LSAMP: variants seen among roughly 807,000 people sequenced by gnomAD.
The protein encoded by LSAMP is limbic system-associated membrane protein.
In LSAMP, 7 loss-of-function variants were observed where a neutral mutation model predicts 38.6. The ratio of observed to expected loss-of-function variants is 0.18; its 90% CI spans 0.10 to 0.34. The LOEUF is 0.34. Among genes scored for constraint, LSAMP ranks in the 10% least tolerant of loss-of-function variants. The probability of loss-of-function intolerance (pLI) is 1.00; values close to 1 mark genes in which losing one functional copy is unlikely to be tolerated. For synonymous variants in LSAMP, 154 were observed against 166.8 expected (o/e 0.92, Z 0.59); for missense variants, 313 against 420.0 (o/e 0.75, Z 2.23).
At chr3:116,114,025 T>G (rs971530540) in intron 1 of LSAMP, among the ~76,000 whole-genome samples, 3 of 152,172 alleles carry the variant, frequency 2.0e-5, no homozygotes, top group African/African-American at 7.2e-5. Context: ...TGAACTTTAT[T>G]TAAGCCCTGT....
At chr3:116,065,062 A>G (rs941664047) in intron 2 of LSAMP, among the ~76,000 whole-genome samples, 5 of 152,232 alleles carry the variant, frequency 3.3e-5, no homozygotes, top group Admixed American at 3.3e-4. Context: ...GATGCATGTG[A>G]ATGGAATTTA....
chr3:116,083,006 C>T (rs1403689462), intron 2 of LSAMP, among the ~76,000 whole-genome samples: 2 of 151,994 alleles, frequency 1.3e-5, no homozygotes, highest in Admixed American at 1.3e-4. Flanking sequence ...AGCTATGTAC[C>T]TCCAAACCTA....
intron 1 of LSAMP, among the ~76,000 whole-genome samples, chr3:116,336,705 G>C (rs2047924052): frequency 1.3e-5 from 2 of 151,866 alleles, no homozygotes; most frequent in Non-Finnish European, 2.9e-5. Context: ...ATGCAAAATG[G>C]TATAGTTGCT....
At chr3:116,066,927 A>G (rs1255064033) in intron 2 of LSAMP, among the ~76,000 whole-genome samples, 2 of 152,008 alleles carry the variant, frequency 1.3e-5, no homozygotes, top group East Asian at 3.9e-4. Flanking sequence ...GCAAATAAGT[A>G]TTCTATATTT....
chr3:116,150,297 T>C (rs1187493878), intron 1 of LSAMP, among the ~76,000 whole-genome samples: 1 of 152,072 alleles, frequency 6.6e-6, no homozygotes, highest in Non-Finnish European at 1.5e-5. Context: ...TCTTTAGTCA[T>C]GCAAATAGTT....
rs2048470411 is a variant in LSAMP at position 116,374,563 on chromosome 3, G to T, written c.155+70314C>A. 2.0e-5 allele frequency among the ~76,000 whole-genome samples: 3 copies of T among 151,744 alleles called. No homozygotes were observed. In the South Asian group the frequency reaches 6.2e-4, roughly 32 times the overall value. ...CATATAGAGATGAAATCCAAAACCT[G>T]GTTAATCTGCACTTTACCTACTGGA... On this transcript the variant is annotated intron_variant, in intron 1 of 6. Coordinates refer to ENST00000490035, the MANE Select transcript of LSAMP (RefSeq NM_002338.5).
chr3:115,893,444 C>T (rs1936650314), intron 3 of LSAMP, among the ~76,000 whole-genome samples: 1 of 151,984 alleles, frequency 6.6e-6, no homozygotes, highest in South Asian at 2.1e-4. Flanking sequence ...GCTGTTGTAG[C>T]TCATATACAG....
chr3:116,214,499 C>CTTT (rs59630662), intron 1 of LSAMP, among the ~76,000 whole-genome samples: 92 of 103,228 alleles, frequency 8.9e-4, no homozygotes, highest in Non-Finnish European at 1.1e-3. Context: ...AAAAATGGGT[C>CTTT]TTTTTTTTTT....
Position 116,309,108 on chromosome 3 carries a change from A to G in LSAMP, c.155+135769T>C, listed in dbSNP as rs374063863. 3.3e-5 allele frequency among the ~76,000 whole-genome samples: 5 copies of G among 152,222 alleles called. No individual in the cohort carries two copies. The South Asian group carries it at 1.0e-3, about 32-fold the overall frequency. ...CGGAACACAATAAAATGGGAATGTG[A>G]TTCACATTAATATTTAAATATACAA... On this transcript the variant is annotated intron_variant, in intron 1 of 6. Coordinates refer to ENST00000490035, the MANE Select transcript of LSAMP (RefSeq NM_002338.5).
chr3:115,997,315 T>G (rs1023940482), intron 3 of LSAMP, among the ~76,000 whole-genome samples: 9 of 152,030 alleles, frequency 5.9e-5, no homozygotes, highest in African/African-American at 2.2e-4. Context: ...CAATGTACAT[T>G]CCATTGTGGG....
chr3:116,263,206 T>C (rs1050565039), intron 1 of LSAMP, among the ~76,000 whole-genome samples: 1 of 152,186 alleles, frequency 6.6e-6, no homozygotes, highest in Non-Finnish European at 1.5e-5. Context: ...TAATGAACTA[T>C]GTCTGCTCTC....
At chr3:116,225,967 A>G (rs796519470) in intron 1 of LSAMP, among the ~76,000 whole-genome samples, 5 of 152,254 alleles carry the variant, frequency 3.3e-5, no homozygotes, top group African/African-American at 1.2e-4. Flanking sequence ...CTCTTTTTGC[A>G]ACTTATGTTC....
intron 1 of LSAMP, among the ~76,000 whole-genome samples, chr3:116,282,840 C>T (rs1281677797): frequency 6.6e-6 from 1 of 151,896 alleles, no homozygotes; most frequent in African/African-American, 2.4e-5. Flanking sequence ...TGTCTTTCTG[C>T]TAGGCAAGAC....
At chr3:116,366,008 T>A (rs1315599193) in intron 1 of LSAMP, among the ~76,000 whole-genome samples, 20 of 8,704 alleles carry the variant, frequency 2.3e-3, no homozygotes, top group South Asian at 5.7e-3. Context: ...AAACTTAGAG[T>A]ATAATAAAAA....
chr3:116,373,439 G>A (rs2048457992), intron 1 of LSAMP, among the ~76,000 whole-genome samples: 1 of 151,572 alleles, frequency 6.6e-6, no homozygotes, highest in Admixed American at 6.6e-5. Context: ...AAGGAATGGG[G>A]AGTTATTTTC....
At chr3:116,352,241 T>C (rs1423258452) in intron 1 of LSAMP, among the ~76,000 whole-genome samples, 2 of 152,078 alleles carry the variant, frequency 1.3e-5, no homozygotes, top group South Asian at 2.1e-4. Context: ...CTGATCATCA[T>C]TGATGTGGAA....
At chr3:115,932,268 G>A (rs186172431) in intron 3 of LSAMP, among the ~76,000 whole-genome samples, 13 of 152,248 alleles carry the variant, frequency 8.5e-5, no homozygotes, top group Admixed American at 8.5e-4. Flanking sequence ...TAAGAAAATG[G>A]GAGAAAGGAA....
intron 3 of LSAMP, among the ~76,000 whole-genome samples, chr3:115,894,409 T>C (rs1012228623): frequency 6.6e-6 from 1 of 152,008 alleles, no homozygotes; most frequent in African/African-American, 2.4e-5. Context: ...CCCTCGGTAC[T>C]CTCTGGATGA....
chr3:115,858,972 T>G (rs765773832), intron 3 of LSAMP, among the ~76,000 whole-genome samples: 1 of 152,256 alleles, frequency 6.6e-6, no homozygotes, highest in African/African-American at 2.4e-5. Flanking sequence ...TTTGCTTTCT[T>G]CCCTGCTTTC....
Sources: gnomAD v4.1 joint callset for allele counts (sites outside exome capture counted in the v4.1 genomes callset) on GRCh38, gnomAD v4.1.1 for gene constraint, MANE v1.5 for transcripts, NCBI Gene and HGNC (gene_info 2026-07-23, HGNC 2026-07-21) for gene names.